Variants in PEBP4 observed in about 807,000 individuals in gnomAD.
The protein encoded by PEBP4 is phosphatidylethanolamine-binding protein 4.
PEBP4 carries 22 observed loss-of-function variants against 23.9 expected under a neutral mutation model. The ratio of observed to expected loss-of-function variants is 0.92; its 90% CI spans 0.66 to 1.31. The LOEUF (loss-of-function observed/expected upper bound fraction) is 1.31, where lower values mean the gene tolerates loss of function less well. PEBP4 is among the 40% of genes most tolerant of loss of function. PEBP4 has a pLI of 0.00. For missense variants in PEBP4, 324 were observed against 281.7 expected (o/e 1.15, Z -1.07); for synonymous variants, 112 against 99.3 (o/e 1.13, Z -0.76).
intron 3 of PEBP4, among the ~76,000 whole-genome samples, chr8:22,873,583 G>T (rs1182769372): frequency 6.6e-6 from 1 of 152,170 alleles, no homozygotes; most frequent in East Asian, 1.9e-4. Context: ...AGTGAGCCGT[G>T]ATTGTGCCAC....
At chr8:22,912,116 C>G (rs569763108) in intron 3 of PEBP4, among the ~76,000 whole-genome samples, 2 of 152,104 alleles carry the variant, frequency 1.3e-5, no homozygotes, top group African/African-American at 2.4e-5. Context: ...GAGAAGGCCA[C>G]GAGGATAAGG....
In PEBP4 at chr8:22,920,244, G is replaced by T; in HGVS notation, c.198C>A (p.Asn66Lys). ...TCCAGGAGGTGATCTTCTGTCTGTAGTTGTTACAATCAGGAACAACCTTGC... is the reference window on the plus strand; with the variant it reads ...TCCAGGAGGTGATCTTCTGTCTGTATTTGTTACAATCAGGAACAACCTTGC... ...IGCKVVPDCN[N>K]YRQKITSWME... is the part of the protein sequence containing the mutation. The change falls in exon 3 of 7, where the codon AAC (asparagine) becomes AAA (lysine). Residue 66 changes from asparagine (N) to lysine (K), a missense_variant. Coordinates refer to ENST00000256404, the MANE Select transcript of PEBP4 (RefSeq NM_144962.3). 1 of 1,613,902 alleles carries T rather than the reference G, an allele frequency of 6.2e-7. No homozygotes were observed. The highest frequency in any genetic ancestry group is 8.5e-7 in the Non-Finnish European group (1 of 1,179,866).
At chr8:22,750,699 C>G (rs1391780548) in intron 4 of PEBP4, among the ~76,000 whole-genome samples, 1 of 152,120 alleles carries the variant, frequency 6.6e-6, no homozygotes, top group Non-Finnish European at 1.5e-5. Context: ...AGGAGGGGGT[C>G]AGATGGGCCA....
intron 3 of PEBP4, among the ~76,000 whole-genome samples, chr8:22,919,612 T>C (rs1331231197): frequency 6.6e-6 from 1 of 152,204 alleles, no homozygotes; most frequent in Non-Finnish European, 1.5e-5. Flanking sequence ...TTATTTCCAG[T>C]TCCTAAAATG....
At chr8:22,860,157 CACATATATATGTATATATATAT>C (rs1807737545) in intron 3 of PEBP4, among the ~76,000 whole-genome samples, 1 of 134,140 alleles carries the variant, frequency 7.5e-6, no homozygotes, top group African/African-American at 2.8e-5. Context: ...ATTATATATA[CACATATATATGTATATATATAT>C]ACACATATAT....
At chr8:22,715,533 A>G (rs1297770962) in intron 6 of PEBP4, among the ~76,000 whole-genome samples, 3 of 152,224 alleles carry the variant, frequency 2.0e-5, no homozygotes, top group Non-Finnish European at 4.4e-5. Context: ...AGGAACCTGC[A>G]CGGCAGGAAG....
At chr8:22,792,407 G>A (rs1806157772) in intron 4 of PEBP4, among the ~76,000 whole-genome samples, 1 of 152,114 alleles carries the variant, frequency 6.6e-6, no homozygotes, top group Non-Finnish European at 1.5e-5. Flanking sequence ...GGAGACAAGG[G>A]TTGGTGGGCC....
intron 4 of PEBP4, among the ~76,000 whole-genome samples, chr8:22,777,350 C>T (rs1805833357): frequency 6.6e-6 from 1 of 152,132 alleles, no homozygotes; most frequent in Non-Finnish European, 1.5e-5. Flanking sequence ...GAGGACAAGA[C>T]CACAGTGGAC....
chr8:22,902,417 A>G (rs1808730408), intron 3 of PEBP4, among the ~76,000 whole-genome samples: 1 of 152,216 alleles, frequency 6.6e-6, no homozygotes, highest in Non-Finnish European at 1.5e-5. Context: ...GACCACACCA[A>G]GTTCCCTGGA....
chr8:22,714,975 C>A (rs1381908067), intron 6 of PEBP4, among the ~76,000 whole-genome samples: 1 of 152,228 alleles, frequency 6.6e-6, no homozygotes, highest in Admixed American at 6.5e-5. Flanking sequence ...ACACATAATT[C>A]GCTTAATCCT....
Position 22,724,975 on chromosome 8 carries a change from G to C in PEBP4, c.404-19C>G. 6.3e-7 allele frequency: 1 copy of C among 1,582,642 alleles called. No homozygotes were observed. The highest frequency in any genetic ancestry group is 8.7e-7 in the Non-Finnish European group (1 of 1,151,988). ...TGGTAGGCTATAGGTAGAAGCAGGA[G>C]AGAGGTGAGCATCAACATCCCATAC... On this transcript the variant is annotated intron_variant, in intron 5 of 6. Coordinates refer to ENST00000256404, the MANE Select transcript of PEBP4 (RefSeq NM_144962.3).
At chr8:22,810,138 T>C (rs1045166986) in intron 4 of PEBP4, among the ~76,000 whole-genome samples, 4 of 152,236 alleles carry the variant, frequency 2.6e-5, no homozygotes, top group African/African-American at 9.6e-5. Flanking sequence ...TCCAACGAGA[T>C]TTCCTTAACT....
chr8:22,817,125 T>C (rs978630656), intron 4 of PEBP4, among the ~76,000 whole-genome samples: 1 of 152,242 alleles, frequency 6.6e-6, no homozygotes, highest in African/African-American at 2.4e-5. Flanking sequence ...AGGCGGCCAC[T>C]TGTTTCTGTA....
chr8:22,825,847 T>C (rs1806955848), intron 3 of PEBP4, among the ~76,000 whole-genome samples: 1 of 152,232 alleles, frequency 6.6e-6, no homozygotes. Context: ...AATGGAACAC[T>C]ATTCAGCCTT....
rs1027532976 is a variant in PEBP4 at position 22,718,509 on chromosome 8, T to A, written c.518-4973A>T. Among the ~76,000 whole-genome samples the A allele has an allele frequency of 5.9e-5, 9 of 152,226 alleles. 1 individual carries two copies. The highest frequency in any genetic ancestry group is 2.0e-4 in the Admixed American group (3 of 15,288). ...GACTTGCTTCTTGAGGAGGTCCGCC[T>A]GGGGCTCATGGAGATTTCAGGCAGT... On this transcript the variant is annotated intron_variant, in intron 6 of 6. Coordinates refer to ENST00000256404, the MANE Select transcript of PEBP4 (RefSeq NM_144962.3).
chr8:22,864,127 G>A (rs940340726), intron 3 of PEBP4, among the ~76,000 whole-genome samples: 1 of 152,034 alleles, frequency 6.6e-6, no homozygotes, highest in Non-Finnish European at 1.5e-5. Context: ...TCTGAACCTC[G>A]CGCTTTTGTT....
At chr8:22,901,860 A>G (rs1247843792) in intron 3 of PEBP4, among the ~76,000 whole-genome samples, 1 of 152,186 alleles carries the variant, frequency 6.6e-6, no homozygotes, top group Non-Finnish European at 1.5e-5. Flanking sequence ...GTTTAAGAAG[A>G]CATGGCCATG....
chr8:22,934,123 C>T (rs1414239184), intron 1 of PEBP4, among the ~76,000 whole-genome samples: 1 of 152,108 alleles, frequency 6.6e-6, no homozygotes, highest in Non-Finnish European at 1.5e-5. Context: ...AAAGGTCTGC[C>T]CCCAAGATGC....
rs557777609 is a variant in PEBP4 at position 22,741,763 on chromosome 8, G to T, written c.358-14543C>A. On this transcript the variant is annotated intron_variant, in intron 4 of 6. Coordinates refer to ENST00000256404, the MANE Select transcript of PEBP4 (RefSeq NM_144962.3). Reference sequence around the variant, plus strand: ...GCCAGCGCCACCGTCCCCCCGGCAGGCAGGAGAGCGGGGTTGGGGGCAGCC... The same window carrying T: ...GCCAGCGCCACCGTCCCCCCGGCAGTCAGGAGAGCGGGGTTGGGGGCAGCC... Among the ~76,000 whole-genome samples, 7 of 152,326 alleles carry T rather than the reference G, an allele frequency of 4.6e-5. No individual in the cohort carries two copies. In the East Asian group the frequency reaches 1.4e-3, roughly 29 times the overall value.
Sources: gnomAD v4.1 joint callset for allele counts (sites outside exome capture counted in the v4.1 genomes callset) on GRCh38, gnomAD v4.1.1 for gene constraint, MANE v1.5 for transcripts, NCBI Gene and HGNC (gene_info 2026-07-23, HGNC 2026-07-21) for gene names.